SLC23A2: variants seen among roughly 807,000 people sequenced by gnomAD.
SLC23A2 encodes solute carrier family 23 member 2.
A neutral mutation model predicts 73.3 loss-of-function variants in SLC23A2; 36 were observed. The ratio of observed to expected loss-of-function variants is 0.49; its 90% CI spans 0.38 to 0.65. SLC23A2 has a LOEUF of 0.65. Ranked by LOEUF, SLC23A2 falls within the 30% of genes least tolerant of loss-of-function variation. SLC23A2 has a pLI of 0.00. For synonymous variants in SLC23A2, 343 were observed against 327.3 expected (o/e 1.05, Z -0.52); for missense variants, 507 against 841.6 (o/e 0.60, Z 4.92).
chr20:4,858,502 G>C (rs1381499836), intron 16 of SLC23A2, among the ~76,000 whole-genome samples: 1 of 151,924 alleles, frequency 6.6e-6, no homozygotes. Context: ...TTCTGCCTTG[G>C]TTTCCCCAGC....
chr20:4,937,360 GAGAGAA>G (rs1455815660), intron 2 of SLC23A2, among the ~76,000 whole-genome samples: 3 of 152,156 alleles, frequency 2.0e-5, no homozygotes, highest in Non-Finnish European at 4.4e-5. Context: ...CTTTGCAAAA[GAGAGAA>G]AGAGAATGAG....
At position 4,852,744 on chromosome 20, in the gene SLC23A2, G is replaced by A. The variant is rs1456264167; in HGVS notation, c.*4228C>T. 3.9e-5 allele frequency: 6 copies of A among 152,416 alleles called. No individual in the cohort carries two copies. The highest frequency in any genetic ancestry group is 8.8e-5 in the Non-Finnish European group (6 of 68,038). 9.4% of individuals were successfully genotyped at this position (152,416 alleles called of 1,614,324 possible). ...AAGATTGTTACTAACGAACAAAAAAGGAGAGTCATTTGAACTGTCAGTAAG... is the reference window on the plus strand; with the variant it reads ...AAGATTGTTACTAACGAACAAAAAAAGAGAGTCATTTGAACTGTCAGTAAG... On this transcript the variant is annotated 3_prime_UTR_variant, in exon 17 of 17. Coordinates refer to ENST00000338244, the MANE Select transcript of SLC23A2 (RefSeq NM_005116.6). The surrounding 1 kb of genome is among the most constrained non-coding windows in gnomAD (Gnocchi z 4.3).
Position 4,868,660 on chromosome 20 carries a change from T to A in SLC23A2, c.1251-785A>T, listed in dbSNP as rs1325505094. ...AACATACTGATATACAGGTATTTAA[T>A]CATGTGCAGCAGCTCCATTAGAGAA... On this transcript the variant is annotated intron_variant, in intron 12 of 16. Transcript: ENST00000338244. The surrounding 1 kb of genome is among the most constrained non-coding windows in gnomAD (Gnocchi z 4.4). Among the ~76,000 whole-genome samples, 1 of 152,184 alleles carries A rather than the reference T, an allele frequency of 6.6e-6. No individual in the cohort carries two copies. Among genetic ancestry groups the A allele is most frequent in the Non-Finnish European group, 1.5e-5 (1 of 68,034 alleles).
intron 4 of SLC23A2, among the ~76,000 whole-genome samples, chr20:4,905,451 A>C (rs1312373020): frequency 6.6e-6 from 1 of 152,254 alleles, no homozygotes; most frequent in Non-Finnish European, 1.5e-5. Context: ...AAATACTGCA[A>C]AAACAAAAAC....
chr20:4,895,121 G>A (rs976160055), intron 6 of SLC23A2, among the ~76,000 whole-genome samples: 8 of 152,314 alleles, frequency 5.3e-5, no homozygotes, highest in South Asian at 2.1e-4. Flanking sequence ...GAACCACTTC[G>A]GAGCTGGAGA....
chr20:4,877,238 T>G (rs947365907), intron 9 of SLC23A2, among the ~76,000 whole-genome samples: 12 of 152,328 alleles, frequency 7.9e-5, no homozygotes, highest in Admixed American at 2.0e-4. Flanking sequence ...CAGCTTTAAT[T>G]GAAAAACTGT....
chr20:4,965,446 CTCATTCATTGCAACCAAACTTTAACTTG>C (rs1217494226), intron 2 of SLC23A2, among the ~76,000 whole-genome samples: 2 of 152,072 alleles, frequency 1.3e-5, no homozygotes, highest in African/African-American at 4.8e-5. Flanking sequence ...AGAAATGAGA[CTCATTCATTGCAACCAAACTTTAACTTG>C]TCAAAATTAT....
At position 4,857,983 on chromosome 20, in the gene SLC23A2, C is replaced by G. The variant is rs552858310; in HGVS notation, c.1721-779G>C. ...AACAACAAAACACACAAAACAAACT[C>G]TGTAAAATGTAAATCTGAGTCAAAA... On this transcript the variant is annotated intron_variant, in intron 16 of 16. Coordinates refer to ENST00000338244, the MANE Select transcript of SLC23A2 (RefSeq NM_005116.6). The surrounding 1 kb of genome is among the most constrained non-coding windows in gnomAD (Gnocchi z 4.0). 6.6e-6 allele frequency among the ~76,000 whole-genome samples: 1 copy of G among 151,998 alleles called. No homozygotes were observed. Among genetic ancestry groups the G allele is most frequent in the Admixed American group, 6.6e-5 (1 of 15,248 alleles).
intron 1 of SLC23A2, among the ~76,000 whole-genome samples, chr20:4,994,770 T>C (rs1340593692): frequency 6.9e-6 from 1 of 144,126 alleles, no homozygotes; most frequent in African/African-American, 2.6e-5. Context: ...CCAAAAAAAA[T>C]ATGAAAATAC....
intron 2 of SLC23A2, among the ~76,000 whole-genome samples, chr20:4,937,130 T>C (rs925013282): frequency 6.6e-6 from 1 of 152,102 alleles, no homozygotes; most frequent in Non-Finnish European, 1.5e-5. Context: ...TCAGAAAGTA[T>C]GCGACAACCC....
intron 8 of SLC23A2, 145 bp downstream of exon 8, chr20:4,884,608 T>TTACTTAAACAAGAGAAATA (rs1467909274): frequency 1.2e-5 from 8 of 691,044 alleles, no homozygotes; most frequent in Non-Finnish European, 2.1e-5. Flanking sequence ...TTAACTACAT[T>TTACTTAAACAAGAGAAATA]TACTTAAACA....
intron 4 of SLC23A2, among the ~76,000 whole-genome samples, chr20:4,910,190 T>C (rs1037636100): frequency 3.9e-5 from 6 of 151,960 alleles, no homozygotes; most frequent in South Asian, 2.1e-4. Context: ...CTGACCAACA[T>C]GGTAAATCCC....
At chr20:4,973,398 T>A (rs1167546582) in intron 1 of SLC23A2, among the ~76,000 whole-genome samples, 1 of 152,210 alleles carries the variant, frequency 6.6e-6, no homozygotes, top group East Asian at 1.9e-4. Context: ...GCGAAAGTAC[T>A]ATGACTCCTT....
rs2122357894 is a variant in SLC23A2 at position 4,997,283 on chromosome 20, C to T, written c.-282+4123G>A. 1.3e-5 allele frequency among the ~76,000 whole-genome samples: 2 copies of T among 152,260 alleles called. 1 individual carries two copies. The highest frequency in any genetic ancestry group is 4.2e-4 in the South Asian group (2 of 4,818). On this transcript the variant is annotated intron_variant, in intron 1 of 16. Transcript: ENST00000338244. Reference sequence around the variant, plus strand: ...TCTACCACCCTCAAGGTAAAATCTACCAGCCTTACAGTGGTCCGCATGGCC... The same window carrying T: ...TCTACCACCCTCAAGGTAAAATCTATCAGCCTTACAGTGGTCCGCATGGCC...
intron 5 of SLC23A2, among the ~76,000 whole-genome samples, chr20:4,900,958 T>C (rs1054736550): frequency 1.3e-5 from 2 of 152,202 alleles, no homozygotes; most frequent in African/African-American, 4.8e-5. Context: ...GAAATACTCC[T>C]GTTCAGGATG....
In SLC23A2 at chr20:4,899,951, A is replaced by T. The variant is rs149025288; in HGVS notation, c.325-239T>A. 1.7e-4 allele frequency among the ~76,000 whole-genome samples: 26 copies of T among 152,024 alleles called. No individual in the cohort carries two copies. The highest frequency in any genetic ancestry group is 6.3e-4 in the African/African-American group (26 of 41,410). On this transcript the variant is annotated intron_variant, in intron 5 of 16. Coordinates refer to ENST00000338244, the MANE Select transcript of SLC23A2 (RefSeq NM_005116.6). The surrounding 1 kb of genome is among the most constrained non-coding windows in gnomAD (Gnocchi z 4.9). Reference sequence around the variant, plus strand: ...AATGGTGCGATCTTGGCTCACTGTGACCTCCACCTCCCAGGCTCAAGCAAT... The same window carrying T: ...AATGGTGCGATCTTGGCTCACTGTGTCCTCCACCTCCCAGGCTCAAGCAAT...
chr20:4,981,823 T>C (rs1259481318), intron 1 of SLC23A2, among the ~76,000 whole-genome samples: 1 of 151,972 alleles, frequency 6.6e-6, no homozygotes, highest in African/African-American at 2.4e-5. Context: ...TGCCTCAGCC[T>C]CCTGAGTAGC....
intron 2 of SLC23A2, among the ~76,000 whole-genome samples, chr20:4,941,032 TA>T (rs2087032310): frequency 6.6e-6 from 1 of 151,928 alleles, no homozygotes; most frequent in Admixed American, 6.6e-5. Flanking sequence ...GGTGCACGCC[TA>T]TAAGCCCAAC....
At chr20:4,999,214 C>T (rs1391127432) in intron 1 of SLC23A2, among the ~76,000 whole-genome samples, 2 of 152,210 alleles carry the variant, frequency 1.3e-5, no homozygotes, top group Non-Finnish European at 2.9e-5. Context: ...TTTAGAGACA[C>T]TGAAGAGGAC....
Sources: allele counts gnomAD v4.1 joint callset (sites outside exome capture counted in the v4.1 genomes callset), GRCh38; gene constraint gnomAD v4.1.1; non-coding constraint Gnocchi (gnomAD v3.1); transcripts MANE v1.5; gene names NCBI Gene and HGNC (gene_info 2026-07-23, HGNC 2026-07-21).